GFRA1: variants seen among roughly 807,000 people sequenced by gnomAD.
The protein encoded by GFRA1 is GDNF family receptor alpha-1.
A neutral mutation model predicts 51.6 loss-of-function variants in GFRA1; 16 were observed. That is an observed-to-expected ratio of 0.31 (90% CI 0.21 to 0.47). GFRA1 has a LOEUF of 0.47. Among genes scored for constraint, GFRA1 ranks in the 20% least tolerant of loss-of-function variants. The pLI, the probability that GFRA1 is intolerant of heterozygous loss-of-function variation, is 1.00. For missense variants in GFRA1, 530 were observed against 594.3 expected (o/e 0.89, Z 1.13); for synonymous variants, 270 against 241.3 (o/e 1.12, Z -1.10).
chr10:116,089,951 T>C (rs1037178767), intron 8 of GFRA1, 29 bp from the exon 9 acceptor site: 9 of 1,589,354 alleles, frequency 5.7e-6, no homozygotes, highest in Non-Finnish European at 6.9e-6. Flanking sequence ...AAATCCAATT[T>C]CAAAGTCAAG....
chr10:116,118,652 C>T (rs904543290), intron 6 of GFRA1, among the ~76,000 whole-genome samples: 3 of 152,194 alleles, frequency 2.0e-5, no homozygotes, highest in Non-Finnish European at 2.9e-5. Context: ...CCATTCCATT[C>T]CTTTTCCATC....
chr10:116,199,033 C>T (rs757540130), intron 5 of GFRA1, among the ~76,000 whole-genome samples: 6 of 152,132 alleles, frequency 3.9e-5, no homozygotes, highest in Admixed American at 1.3e-4. Context: ...CCAGGGAATA[C>T]TACGGGCTGC....
At chr10:116,268,614 C>T (rs1969854862) in intron 4 of GFRA1, among the ~76,000 whole-genome samples, 1 of 98,864 alleles carries the variant, frequency 1.0e-5, no homozygotes, top group Non-Finnish European at 2.5e-5. Flanking sequence ...CACCAAGACA[C>T]TCTCATCAGT....
rs1228835109 is a variant in GFRA1 at position 116,273,197 on chromosome 10, G to A, written c.-281C>T. 1.3e-5 allele frequency: 2 copies of A among 152,172 alleles called. No individual in the cohort carries two copies. The highest frequency in any genetic ancestry group is 2.9e-5 in the Non-Finnish European group (2 of 68,056). The allele number at this position is 152,172 out of a possible 1,614,324, so 9.4% of individuals were successfully genotyped here. A position where few individuals can be genotyped will look rare whatever the true frequency, so the allele number is the denominator to read the frequency against. On this transcript the variant is annotated 5_prime_UTR_variant, in exon 1 of 11. Transcript: ENST00000355422. The stretch of plus-strand genomic sequence containing the variant: ...ACCGACCGCGTCCAGCTGCGGCGAG[G>A]AGCCAGTTTGTTTATTTACTTATTT...
At chr10:116,222,611 G>A (rs1966004695) in intron 4 of GFRA1, among the ~76,000 whole-genome samples, 1 of 152,164 alleles carries the variant, frequency 6.6e-6, no homozygotes, top group African/African-American at 2.4e-5. Context: ...CTGTTGTGAA[G>A]ATTACAGGAA....
intron 6 of GFRA1, among the ~76,000 whole-genome samples, chr10:116,106,665 C>T (rs567159740): frequency 6.6e-6 from 1 of 152,268 alleles, no homozygotes; most frequent in African/African-American, 2.4e-5. Context: ...GATCATGTGA[C>T]ATGTCTGCAT....
At chr10:116,263,468 G>A (rs1230456138) in intron 4 of GFRA1, among the ~76,000 whole-genome samples, 1 of 152,178 alleles carries the variant, frequency 6.6e-6, no homozygotes, top group Non-Finnish European at 1.5e-5. Context: ...AAGGTGAATG[G>A]CAGAGCTGGG....
intron 4 of GFRA1, among the ~76,000 whole-genome samples, chr10:116,236,459 T>C (rs1966881279): frequency 6.6e-6 from 1 of 151,786 alleles, no homozygotes; most frequent in African/African-American, 2.4e-5. Context: ...AACAAAACAC[T>C]GTGAATAAGA....
intron 4 of GFRA1, among the ~76,000 whole-genome samples, chr10:116,230,930 A>T (rs1966640260): frequency 6.6e-6 from 1 of 152,160 alleles, no homozygotes; most frequent in African/African-American, 2.4e-5. Context: ...TGGGTGGAGC[A>T]TCCCAGTGTT....
At chr10:116,185,729 G>A (rs1177617444) in intron 5 of GFRA1, among the ~76,000 whole-genome samples, 3 of 152,154 alleles carry the variant, frequency 2.0e-5, no homozygotes, top group Non-Finnish European at 2.9e-5. Context: ...CCCCAACTCC[G>A]TTATTAGTTT....
chr10:116,091,322 T>C (rs1956325391), intron 8 of GFRA1, among the ~76,000 whole-genome samples: 1 of 152,214 alleles, frequency 6.6e-6, no homozygotes, highest in Admixed American at 6.5e-5. Flanking sequence ...TAAAAGTCCA[T>C]GCCCTCATGG....
In GFRA1 at chr10:116,213,918, A is replaced by G. The variant is rs780962031; in HGVS notation, c.419-2273T>C. 2.0e-5 allele frequency among the ~76,000 whole-genome samples: 3 copies of G among 152,312 alleles called. No homozygotes were observed. In the East Asian group the frequency reaches 5.8e-4, roughly 29 times the overall value. ...CATTTCTTTTACACTCAGCAAAGCC[A>G]ACTGGGATGTAAATGGGTCCTATCA... On this transcript the variant is annotated intron_variant, in intron 4 of 10. Transcript: ENST00000355422.
At chr10:116,164,081 C>T (rs879764112) in intron 5 of GFRA1, among the ~76,000 whole-genome samples, 6 of 152,142 alleles carry the variant, frequency 3.9e-5, no homozygotes, top group East Asian at 1.9e-4. Context: ...CAGCAAAGGA[C>T]GGCCACTCTT....
intron 9 of GFRA1, 86 bp downstream of exon 9, chr10:116,089,655 C>T: frequency 1.8e-6 from 2 of 1,097,392 alleles, no homozygotes; most frequent in South Asian, 2.5e-5. Context: ...TCTCTCTCTG[C>T]ATACATTTCA....
At chr10:116,129,326 C>G (rs1158853572) in intron 5 of GFRA1, among the ~76,000 whole-genome samples, 2 of 152,174 alleles carry the variant, frequency 1.3e-5, no homozygotes, top group African/African-American at 4.8e-5. Context: ...AAGGCTAATG[C>G]ATCGTGACCA....
At chr10:116,158,384 A>G (rs2134166319) in intron 5 of GFRA1, among the ~76,000 whole-genome samples, 1 of 152,280 alleles carries the variant, frequency 6.6e-6, no homozygotes, top group East Asian at 1.9e-4. Flanking sequence ...CTCAAAAGAT[A>G]CTTGTTGAGT....
At chr10:116,127,217 T>C (rs1032053653) in intron 5 of GFRA1, among the ~76,000 whole-genome samples, 1 of 152,210 alleles carries the variant, frequency 6.6e-6, no homozygotes, top group African/African-American at 2.4e-5. Flanking sequence ...CAATATTCTA[T>C]TGTACACTTA....
intron 5 of GFRA1, among the ~76,000 whole-genome samples, chr10:116,141,399 C>T (rs1348093687): frequency 1.3e-5 from 2 of 152,188 alleles, no homozygotes; most frequent in Non-Finnish European, 1.5e-5. Context: ...CTCCTCAGGG[C>T]ATCCAGGTCT....
rs11197515 is a variant in GFRA1, at chr10:116,058,172, C to T, written c.*6226G>A. 0.14 allele frequency: 21,589 copies of T among 152,044 alleles called. 2,072 individuals are homozygous for T. Among genetic ancestry groups the T allele is most frequent in the East Asian group, 0.49 (2,503 of 5,152 alleles). 9.4% of individuals were successfully genotyped at this position (152,044 alleles called of 1,614,324 possible). ...GTAATCAACCTTTACTGATTTTCAA[C>T]GGCCCTGGTTCCCTATACTCAGGAC... On this transcript the variant is annotated 3_prime_UTR_variant, in exon 11 of 11. Coordinates refer to ENST00000355422, the MANE Select transcript of GFRA1 (RefSeq NM_005264.8).
Sources: gnomAD v4.1 joint callset for allele counts (sites outside exome capture counted in the v4.1 genomes callset) on GRCh38, gnomAD v4.1.1 for gene constraint, MANE v1.5 for transcripts, NCBI Gene and HGNC (gene_info 2026-07-23, HGNC 2026-07-21) for gene names.